SIMC1: variants seen among roughly 807,000 people sequenced by gnomAD.
The protein encoded by SIMC1 is SUMO-interacting motif-containing protein 1.
SIMC1 carries 55 observed loss-of-function variants against 82.3 expected under a neutral mutation model. That is an observed-to-expected ratio of 0.67 (90% CI 0.54 to 0.84). The LOEUF is 0.84. Ranked by LOEUF, SIMC1 falls within the 40% of genes least tolerant of loss-of-function variation. The pLI is 0.00. For synonymous variants in SIMC1, 353 were observed against 426.3 expected, an observed-to-expected ratio of 0.83 and a Z score of 2.12; for missense variants, 915 against 1,107.2, an observed-to-expected ratio of 0.83 and a Z score of 2.46.
intron 4 of SIMC1, among the ~76,000 whole-genome samples, chr5:176,309,215 AC>A (rs1163785951): frequency 2.6e-5 from 4 of 152,180 alleles, no homozygotes; most frequent in Non-Finnish European, 4.4e-5. Flanking sequence ...CCAGAAATAA[AC>A]CCATATAAAT....
intron 1 of SIMC1, among the ~76,000 whole-genome samples, chr5:176,279,765 T>C (rs916967798): frequency 2.0e-5 from 3 of 151,674 alleles, no homozygotes; most frequent in African/African-American, 7.3e-5. Flanking sequence ...TTGTTCAGTT[T>C]CCATGTAGTT....
At chr5:176,318,181 G>A (rs1765000975) in intron 5 of SIMC1, among the ~76,000 whole-genome samples, 2 of 152,160 alleles carry the variant, frequency 1.3e-5, no homozygotes, top group Admixed American at 6.5e-5. Flanking sequence ...GATTGGTTGT[G>A]GGAGGGGACC....
At chr5:176,281,786 G>A (rs1195385843) in intron 1 of SIMC1, among the ~76,000 whole-genome samples, 1 of 152,140 alleles carries the variant, frequency 6.6e-6, no homozygotes, top group Non-Finnish European at 1.5e-5. Flanking sequence ...CGTTCCTCTG[G>A]AAGTTTTGTC....
intron 1 of SIMC1, among the ~76,000 whole-genome samples, chr5:176,279,330 C>T (rs1335766236): frequency 6.6e-6 from 1 of 152,124 alleles, no homozygotes; most frequent in African/African-American, 2.4e-5. Flanking sequence ...TCCCCTTTAT[C>T]ATTTTTTATT....
intron 4 of SIMC1, among the ~76,000 whole-genome samples, chr5:176,301,835 C>G (rs1764056553): frequency 6.6e-6 from 1 of 151,500 alleles, no homozygotes; most frequent in Admixed American, 6.6e-5. Flanking sequence ...ACCAATATAC[C>G]TAATAAATGT....
At chr5:176,246,983 C>G (rs567532284) in intron 1 of SIMC1, among the ~76,000 whole-genome samples, 240 of 152,170 alleles carry the variant, frequency 1.6e-3, no homozygotes, top group African/African-American at 5.4e-3. Flanking sequence ...TGTATATGTG[C>G]CACATTTTCT....
At chr5:176,342,589 G>A (rs1329454364) in intron 9 of SIMC1, among the ~76,000 whole-genome samples, 2 of 152,108 alleles carry the variant, frequency 1.3e-5, no homozygotes, top group African/African-American at 2.4e-5. Flanking sequence ...GTCTTACCAC[G>A]GCAGAAGGCT....
intron 1 of SIMC1, among the ~76,000 whole-genome samples, chr5:176,257,367 A>G (rs908027437): frequency 2.3e-4 from 35 of 152,032 alleles, no homozygotes; most frequent in African/African-American, 8.2e-4. Context: ...TGATCAAGAA[A>G]AGAGCTCACA....
At chr5:176,296,479 C>T (rs1763822798) in intron 4 of SIMC1, 159 bp downstream of exon 4, 1 of 985,566 alleles carries the variant, frequency 1.0e-6, no homozygotes, top group East Asian at 2.6e-5. Flanking sequence ...GCCTGGGCAA[C>T]AAAATGAGAC....
rs528870475 is a variant in SIMC1 at position 176,337,888 on chromosome 5, G to C, written c.2413+742G>C. Among the ~76,000 whole-genome samples, 13 of 152,324 alleles carry C rather than the reference G, an allele frequency of 8.5e-5. No homozygotes were observed. The South Asian group carries it at 1.0e-3, about 12-fold the overall frequency. Reference sequence around the variant, plus strand: ...GACCAATGACGATGTAGGAGAGTTAGACCAGGTAACCCTCAGAAGGTAAAT... The same window carrying C: ...GACCAATGACGATGTAGGAGAGTTACACCAGGTAACCCTCAGAAGGTAAAT... On this transcript the variant is annotated intron_variant, in intron 9 of 9. Transcript: ENST00000429602.
At chr5:176,329,496 T>TAAAA (rs60571584) in intron 7 of SIMC1, among the ~76,000 whole-genome samples, 4 of 126,586 alleles carry the variant, frequency 3.2e-5, no homozygotes, top group South Asian at 2.6e-4. Flanking sequence ...ACTCCCTCTT[T>TAAAA]AAAAAAAAAA....
Position 176,282,530 on chromosome 5 carries a change from C to T in SIMC1, c.130-7124C>T, listed in dbSNP as rs549630249. On this transcript the variant is annotated intron_variant, in intron 1 of 9. Coordinates refer to ENST00000429602, the MANE Select transcript of SIMC1 (RefSeq NM_001308195.2). ...AATCACCCGTCTTCTGCGTCGCTCA[C>T]GCTGGGAGCTGTAGACCGGAGCTGT... Among the ~76,000 whole-genome samples the T allele has an allele frequency of 1.2e-4, 19 of 152,336 alleles. No individual in the cohort carries two copies. In the East Asian group the frequency reaches 3.1e-3, roughly 25 times the overall value.
In SIMC1 at chr5:176,308,346, G is replaced by C. The variant is rs529056259; in HGVS notation, c.1735-5345G>C. On this transcript the variant is annotated intron_variant, in intron 4 of 9. Coordinates refer to ENST00000429602, the MANE Select transcript of SIMC1 (RefSeq NM_001308195.2). The stretch of plus-strand genomic sequence containing the variant: ...GAAGGACCAAGTAGAAATTTCACCA[G>C]GGCAGCTGTCTGCAGCTTCAACAGA... The C allele has an allele frequency of 9.2e-5, 140 of 1,523,820 alleles. 3 individuals carry two copies. In the South Asian group the frequency reaches 1.5e-3, roughly 16 times the overall value. 94.4% of individuals were successfully genotyped at this position (1,523,820 alleles called of 1,614,324 possible).
chr5:176,247,881 T>TAATAG (rs1581214206), intron 1 of SIMC1, among the ~76,000 whole-genome samples: 1 of 151,994 alleles, frequency 6.6e-6, no homozygotes, highest in East Asian at 1.9e-4. Context: ...CCCCATTGCT[T>TAATAG]GTTTTTGTCA....
At position 176,295,041 on chromosome 5, in the gene SIMC1, A is replaced by C; in HGVS notation, c.1443A>C (p.Gln481His). Residue 481 changes from glutamine (Q) to histidine (H), a missense_variant, in exon 3 of 10, where the codon CAA (glutamine) becomes CAC (histidine). By Grantham distance (24) the Gln-to-His change is conservative. Transcript: ENST00000429602. ...PDKDTRENKG[Q>H]KLEPIPHRRL... Reference sequence around the variant, plus strand: ...TTTAATCTCTACAGAACAAGGGTCAAAAATTAGAACCCATCCCTCATCGAA... The same window carrying C: ...TTTAATCTCTACAGAACAAGGGTCACAAATTAGAACCCATCCCTCATCGAA... 1 of 1,613,574 alleles carries C rather than the reference A, an allele frequency of 6.2e-7. No homozygotes were observed. Among genetic ancestry groups the C allele is most frequent in the Non-Finnish European group, 8.5e-7 (1 of 1,179,660 alleles).
At chr5:176,301,789 A>AC (rs1323399236) in intron 4 of SIMC1, among the ~76,000 whole-genome samples, 1 of 151,906 alleles carries the variant, frequency 6.6e-6, no homozygotes, top group Non-Finnish European at 1.5e-5. Flanking sequence ...AAAAAAAAAA[A>AC]AAAAGGAAAA....
rs1334725104 is a variant in SIMC1, at chr5:176,251,899, T to C, written c.129+13262T>C. On this transcript the variant is annotated intron_variant, in intron 1 of 9. Transcript: ENST00000429602. ...GTTTCAGAGAGCACAGGGTTGGGGG[T>C]AAGGTCACAGATCAACAGGATCCCA... is the stretch of plus-strand genomic sequence containing the variant. Among the ~76,000 whole-genome samples, 19 of 148,808 alleles carry C rather than the reference T, an allele frequency of 1.3e-4. No individual in the cohort carries two copies. The South Asian group carries it at 3.9e-3, about 31-fold the overall frequency.
chr5:176,332,235 C>G (rs1372891982), intron 7 of SIMC1, among the ~76,000 whole-genome samples: 1 of 152,084 alleles, frequency 6.6e-6, no homozygotes, highest in Non-Finnish European at 1.5e-5. Flanking sequence ...CATTTTATCT[C>G]TCCTGTTGGC....
At chr5:176,280,473 T>C (rs924616602) in intron 1 of SIMC1, among the ~76,000 whole-genome samples, 1 of 152,178 alleles carries the variant, frequency 6.6e-6, no homozygotes, top group African/African-American at 2.4e-5. Context: ...TTTGAACCTG[T>C]CATTATGATG....
Sources: gnomAD v4.1 joint callset for allele counts (sites outside exome capture counted in the v4.1 genomes callset) on GRCh38, gnomAD v4.1.1 for gene constraint, MANE v1.5 for transcripts, NCBI Gene and HGNC (gene_info 2026-07-23, HGNC 2026-07-21) for gene names.